The following LIAT1 variants were observed in gnomAD, a reference collection of about 807,000 sequenced individuals.
LIAT1 encodes the protein ligand of ATE1, also known as protein LIAT1.
chr17:414,167 A>G, the LIAT1 span: 46 of 1,569,590 alleles, frequency 2.9e-5, no homozygotes, highest in Admixed American at 5.2e-4. The surrounding 1 kb of genome is among the most constrained non-coding windows in gnomAD (Gnocchi z 4.1). Context: ...CCACAAGTTT[A>G]TGTGTTAAAA....
the LIAT1 span, among the ~76,000 whole-genome samples, chr17:410,844 G>A: frequency 6.6e-6 from 1 of 151,962 alleles, no homozygotes; most frequent in South Asian, 2.1e-4. Context: ...CCAACTCTGC[G>A]GTCCCTTAGC....
the LIAT1 span, chr17:413,013 T>G: frequency 8.6e-6 from 8 of 925,604 alleles, no homozygotes; most frequent in Admixed American, 2.6e-5. Context: ...ACGAGGCTGG[T>G]GGGCTTGGCA....
chr17:414,123 C>G, the LIAT1 span: 1 of 1,606,830 alleles, frequency 6.2e-7, no homozygotes, highest in Middle Eastern at 1.7e-4. This position sits in a 1 kb window ranked among gnomAD's most constrained non-coding sequence, Gnocchi z 4.1. Context: ...TGAAAATCTA[C>G]CCACGACGCT....
At chr17:413,220 A>G in the LIAT1 span, 6 of 1,614,216 alleles carry the variant, frequency 3.7e-6, no homozygotes, top group Non-Finnish European at 5.1e-6. Flanking sequence ...AGTCCTTGCA[A>G]AGAGCGTGGC....
the LIAT1 span, chr17:413,905 C>T: frequency 5.0e-5 from 80 of 1,608,898 alleles, no homozygotes; most frequent in African/African-American, 9.3e-4. Flanking sequence ...CCCTCAAGGG[C>T]TTCCACCCCG....
At chr17:412,889 C>T in the LIAT1 span, among the ~76,000 whole-genome samples, 3 of 152,234 alleles carry the variant, frequency 2.0e-5, no homozygotes, top group East Asian at 5.8e-4. Flanking sequence ...GTTTCCTCAC[C>T]CGAAGAATAG....
the LIAT1 span, chr17:410,754 C>T: frequency 3.8e-6 from 4 of 1,042,410 alleles, no homozygotes; most frequent in South Asian, 1.5e-5. Context: ...TCAGTGGTCC[C>T]GGACCGAGGT....
At chr17:410,709 AC>A in the LIAT1 span, 25 of 1,445,938 alleles carry the variant, frequency 1.7e-5, no homozygotes, top group Non-Finnish European at 2.2e-5. Flanking sequence ...TTGGGGACCC[AC>A]CCCCCATTTA....
chr17:410,450 G>A, the LIAT1 span: 2 of 1,539,992 alleles, frequency 1.3e-6, no homozygotes, highest in South Asian at 2.4e-5. Context: ...CCAGCGGGCG[G>A]CTGGACCGCC....
At chr17:410,955 A>C in the LIAT1 span, among the ~76,000 whole-genome samples, 1 of 152,176 alleles carries the variant, frequency 6.6e-6, no homozygotes, top group Non-Finnish European at 1.5e-5. Context: ...CAAAACTGGC[A>C]GTCTTAAACG....
chr17:410,414 G>C, the LIAT1 span: 5 of 1,530,080 alleles, frequency 3.3e-6, no homozygotes, highest in Admixed American at 1.0e-4. Flanking sequence ...GGCCTCGGGC[G>C]CCCCCGGGGC....
At chr17:413,304 C>T in the LIAT1 span, 24 of 1,614,232 alleles carry the variant, frequency 1.5e-5, 1 homozygote, top group Admixed American at 1.8e-4. Flanking sequence ...GTCAGCCTCC[C>T]CGACTTTGCC....
the LIAT1 span, chr17:414,319 G>T: frequency 1.7e-6 from 1 of 594,642 alleles, no homozygotes; most frequent in Non-Finnish European, 2.9e-6. The surrounding 1 kb of genome is among the most constrained non-coding windows in gnomAD (Gnocchi z 4.1). Context: ...GCAATTTAGT[G>T]AACAGAGTTC....
the LIAT1 span, chr17:410,676 A>T: frequency 3.3e-6 from 5 of 1,532,400 alleles, no homozygotes; most frequent in Non-Finnish European, 4.4e-6. Flanking sequence ...CGGCTGCGTC[A>T]GCTCCGGTTC....
the LIAT1 span, chr17:414,574 A>G: frequency 6.2e-6 from 1 of 162,526 alleles, no homozygotes; most frequent in Non-Finnish European, 1.3e-5. The surrounding 1 kb of genome is among the most constrained non-coding windows in gnomAD (Gnocchi z 4.1). Flanking sequence ...TATGGCCTCA[A>G]ATAAGTGGGT....
chr17:412,986 C>T, the LIAT1 span: 2 of 708,252 alleles, frequency 2.8e-6, no homozygotes, highest in East Asian at 5.2e-5. Flanking sequence ...TCAGCAAAAT[C>T]ACACAGGCAG....
chr17:410,412 G>A, the LIAT1 span: 2 of 1,531,694 alleles, frequency 1.3e-6, no homozygotes, highest in Non-Finnish European at 1.7e-6. Flanking sequence ...CGGGCCTCGG[G>A]CGCCCCCGGG....
the LIAT1 span, chr17:413,614 C>T: frequency 2.8e-3 from 4,378 of 1,543,946 alleles, 324 homozygotes; most frequent in Non-Finnish European, 3.4e-3. Context: ...GCTTCCACCC[C>T]GACCCCGAGG....
the LIAT1 span, chr17:410,333 G>C: frequency 6.8e-7 from 1 of 1,460,838 alleles, no homozygotes; most frequent in Non-Finnish European, 8.9e-7. Flanking sequence ...GCGCAGCAGG[G>C]GTGGTCGCCA....
Sources: gnomAD v4.1 joint callset for allele counts (sites outside exome capture counted in the v4.1 genomes callset) on GRCh38, gnomAD v4.1.1 for gene constraint, Gnocchi (gnomAD v3.1) non-coding constraint, MANE v1.5 for transcripts, NCBI Gene and HGNC (gene_info 2026-07-23, HGNC 2026-07-21) for gene names.